Variants in PDZRN4 observed in about 807,000 individuals in gnomAD.
PDZRN4 encodes PDZ domain-containing RING finger protein 4.
In PDZRN4, 70 loss-of-function variants were observed where a neutral mutation model predicts 99.0. The ratio of observed to expected loss-of-function variants is 0.71; its 90% CI spans 0.58 to 0.86. The LOEUF (loss-of-function observed/expected upper bound fraction) is 0.86. Among genes scored for constraint, PDZRN4 ranks in the 40% least tolerant of loss-of-function variants. The pLI, the probability that PDZRN4 is intolerant of heterozygous loss-of-function variation, is 0.00. For missense variants in PDZRN4, 1,474 were observed against 1,331.2 expected, an observed-to-expected ratio of 1.11 and a Z score of -1.67; for synonymous variants, 551 against 501.6, an observed-to-expected ratio of 1.10 and a Z score of -1.32.
chr12:41,358,920 G>A (rs1276386016), intron 3 of PDZRN4, among the ~76,000 whole-genome samples: 2 of 151,886 alleles, frequency 1.3e-5, no homozygotes, highest in African/African-American at 2.4e-5. Context: ...TAACATTTCT[G>A]AAACAATTGG....
chr12:41,221,453 G>A (rs1347610438), intron 3 of PDZRN4, among the ~76,000 whole-genome samples: 2 of 151,912 alleles, frequency 1.3e-5, no homozygotes, highest in Non-Finnish European at 2.9e-5. Flanking sequence ...AGCATTATAT[G>A]GAAGCTAGAC....
At chr12:41,378,683 C>A (rs567840353) in intron 3 of PDZRN4, among the ~76,000 whole-genome samples, 12 of 152,012 alleles carry the variant, frequency 7.9e-5, no homozygotes, top group African/African-American at 2.7e-4. Context: ...CCACCATGCC[C>A]AGCTAGTTTT....
At chr12:41,424,226 C>A (rs1335445579) in intron 3 of PDZRN4, among the ~76,000 whole-genome samples, 1 of 152,112 alleles carries the variant, frequency 6.6e-6, no homozygotes, top group Non-Finnish European at 1.5e-5. Flanking sequence ...TGCAAACTTC[C>A]TCTGAGAGTT....
intron 3 of PDZRN4, among the ~76,000 whole-genome samples, chr12:41,250,882 CCTTGAGTATCACAAAGAACTGCTG>C (rs1387107005): frequency 2.0e-5 from 3 of 152,116 alleles, no homozygotes; most frequent in Admixed American, 6.6e-5. Flanking sequence ...AGGCAAAGTG[CCTTGAGTATCACAAAGAACTGCTG>C]CTTGAGTATC....
chr12:41,342,662 A>G (rs187831717), intron 3 of PDZRN4, among the ~76,000 whole-genome samples: 27 of 152,074 alleles, frequency 1.8e-4, no homozygotes, highest in Admixed American at 9.2e-4. Flanking sequence ...ATGAGATATC[A>G]CCTCAATCCT....
At chr12:41,462,016 A>C (rs1002288504) in intron 3 of PDZRN4, among the ~76,000 whole-genome samples, 3 of 152,176 alleles carry the variant, frequency 2.0e-5, no homozygotes, top group Non-Finnish European at 2.9e-5. Context: ...CCCAAGGGTT[A>C]GACTTTGATA....
intron 3 of PDZRN4, among the ~76,000 whole-genome samples, chr12:41,348,823 C>T (rs1221011369): frequency 6.6e-6 from 1 of 151,936 alleles, no homozygotes; most frequent in African/African-American, 2.4e-5. Flanking sequence ...TCAGATTTCA[C>T]ATCATAGCTC....
At chr12:41,471,714 T>A (rs1952992296) in intron 3 of PDZRN4, among the ~76,000 whole-genome samples, 2 of 147,660 alleles carry the variant, frequency 1.4e-5, no homozygotes, top group Non-Finnish European at 3.0e-5. Context: ...TATGTAATAA[T>A]AATAATCATT....
chr12:41,203,321 A>T (rs1334888794), intron 3 of PDZRN4, among the ~76,000 whole-genome samples: 1 of 151,980 alleles, frequency 6.6e-6, no homozygotes, highest in Admixed American at 6.6e-5. Context: ...TGGTAGCCTA[A>T]GAGCTTTAAG....
chr12:41,397,952 G>A (rs1952261719), intron 3 of PDZRN4, among the ~76,000 whole-genome samples: 3 of 152,076 alleles, frequency 2.0e-5, no homozygotes, highest in Non-Finnish European at 4.4e-5. Flanking sequence ...ATAGGCATTA[G>A]AGTCACAAGA....
chr12:41,476,592 C>T (rs1190821956), intron 3 of PDZRN4, among the ~76,000 whole-genome samples: 1 of 152,184 alleles, frequency 6.6e-6, no homozygotes, highest in African/African-American at 2.4e-5. Context: ...ACCCGAGGAA[C>T]ACCTGAAACC....
chr12:41,506,654 A>G lies in PDZRN4; in HGVS notation c.1042A>G (p.Lys348Glu). The G allele has an allele frequency of 6.2e-7, 1 of 1,613,844 alleles. No individual in the cohort carries two copies. Among genetic ancestry groups the G allele is most frequent in the Non-Finnish European group, 8.5e-7 (1 of 1,179,832 alleles). Residue 348 changes from lysine to glutamate, a missense_variant, in exon 4 of 10, where the codon AAG (lysine) becomes GAG (glutamate). Lys to Glu is a moderately conservative substitution (Grantham distance 56). Coordinates refer to ENST00000402685, the MANE Select transcript of PDZRN4 (RefSeq NM_001164595.2). The stretch of plus-strand genomic sequence containing the variant: ...CTTCGAACACATCATGGCTCTGGCC[A>G]AGCTTCGTCCACCTACCCCTCCAGT... ...ITFEHIMALA[K>E]LRPPTPPVPD...
At chr12:41,484,056 C>T (rs1380535321) in intron 3 of PDZRN4, among the ~76,000 whole-genome samples, 2 of 152,112 alleles carry the variant, frequency 1.3e-5, no homozygotes, top group Non-Finnish European at 2.9e-5. Context: ...TAAGATTCTA[C>T]TCCTCCTTTT....
At chr12:41,436,020 A>T (rs1300630943) in intron 3 of PDZRN4, among the ~76,000 whole-genome samples, 2 of 152,160 alleles carry the variant, frequency 1.3e-5, no homozygotes, top group Non-Finnish European at 2.9e-5. Context: ...GAAGAAGGAG[A>T]TTGCTTATGT....
intron 3 of PDZRN4, among the ~76,000 whole-genome samples, chr12:41,495,544 G>A (rs1344518227): frequency 6.6e-6 from 1 of 151,988 alleles, no homozygotes; most frequent in Non-Finnish European, 1.5e-5. Context: ...CACTGTCCCT[G>A]TCTTGACTCA....
intron 3 of PDZRN4, among the ~76,000 whole-genome samples, chr12:41,481,022 CT>C (rs1459678771): frequency 6.6e-6 from 1 of 151,764 alleles, no homozygotes; most frequent in Non-Finnish European, 1.5e-5. Flanking sequence ...ATTTTCCCCC[CT>C]CTGTATAAAT....
intron 3 of PDZRN4, among the ~76,000 whole-genome samples, chr12:41,439,195 A>G (rs979662532): frequency 7.2e-5 from 11 of 152,230 alleles, no homozygotes; most frequent in African/African-American, 2.4e-4. Context: ...ATCACCATAG[A>G]CAGGAAAAAG....
At chr12:41,276,871 G>A (rs1381367898) in intron 3 of PDZRN4, among the ~76,000 whole-genome samples, 1 of 152,136 alleles carries the variant, frequency 6.6e-6, no homozygotes, top group Non-Finnish European at 1.5e-5. Flanking sequence ...AGAGTCAGCA[G>A]TATTTACCAT....
chr12:41,433,642 C>T (rs1015727666), intron 3 of PDZRN4, among the ~76,000 whole-genome samples: 8 of 152,146 alleles, frequency 5.3e-5, no homozygotes, highest in Non-Finnish European at 1.0e-4. Flanking sequence ...AACTTCCACA[C>T]TGGCACAGGA....
Sources: gnomAD v4.1 joint callset for allele counts (sites outside exome capture counted in the v4.1 genomes callset) on GRCh38, gnomAD v4.1.1 for gene constraint, MANE v1.5 for transcripts, NCBI Gene and HGNC (gene_info 2026-07-23, HGNC 2026-07-21) for gene names.